FARP1: variants seen among roughly 807,000 people sequenced by gnomAD.
FARP1 encodes the protein FERM, ARHGEF and pleckstrin domain-containing protein 1.
Under a neutral mutation model 128.8 loss-of-function variants are expected in FARP1, and 52 were observed. The observed-to-expected ratio is 0.40, with a 90% CI of 0.32 to 0.51. The LOEUF (loss-of-function observed/expected upper bound fraction) is 0.51. Ranked by LOEUF, FARP1 falls within the 20% of genes least tolerant of loss-of-function variation. The probability of loss-of-function intolerance (pLI) is 0.45; values close to 1 mark genes in which losing one functional copy is unlikely to be tolerated. For synonymous variants in FARP1, 580 were observed against 551.8 expected, an observed-to-expected ratio of 1.05 and a Z score of -0.72; for missense variants, 1,333 against 1,367.9, an observed-to-expected ratio of 0.97 and a Z score of 0.40.
intron 13 of FARP1, chr13:98,405,203 C>G (rs1310696167): frequency 6.6e-6 from 1 of 152,126 alleles, no homozygotes; most frequent in Non-Finnish European, 1.5e-5. Context: ...GCAGCTCTGC[C>G]GAAGAGCTGA....
chr13:98,414,286 A>G (rs766300421), intron 16 of FARP1, among the ~76,000 whole-genome samples: 9 of 152,208 alleles, frequency 5.9e-5, no homozygotes, highest in Non-Finnish European at 1.3e-4. Flanking sequence ...GCTAGAGAGA[A>G]AGCAGATAGT....
At chr13:98,246,308 G>A (rs1186784560) in intron 2 of FARP1, among the ~76,000 whole-genome samples, 1 of 97,160 alleles carries the variant, frequency 1.0e-5, no homozygotes, top group Non-Finnish European at 2.1e-5. Context: ...TGTTAGCCAG[G>A]ATGGTCTCGA....
At position 98,402,033 on chromosome 13, in the gene FARP1, TG is replaced by T. The variant is rs1890793204; in HGVS notation, c.1414+6558del. On this transcript the variant is annotated intron_variant, in intron 13 of 26. Transcript: ENST00000319562. Reference sequence around the variant, plus strand: ...TCTGATTTGTCTTGGAGTGGCTTTCTGTTTGAAAGTAGGGAAGATTAAAAAT... The same window carrying T: ...TCTGATTTGTCTTGGAGTGGCTTTCTTTTGAAAGTAGGGAAGATTAAAAAT... 3 of 152,340 alleles carry T rather than the reference TG, an allele frequency of 2.0e-5. No homozygotes were observed. In the South Asian group the frequency reaches 6.2e-4, roughly 32 times the overall value. 9.4% of individuals were successfully genotyped at this position (152,340 alleles called of 1,614,324 possible). A position where few individuals can be genotyped will look rare whatever the true frequency, so the allele number is the denominator to read the frequency against.
chr13:98,144,909 G>A (rs1875406355), intron 1 of FARP1, among the ~76,000 whole-genome samples: 1 of 152,190 alleles, frequency 6.6e-6, no homozygotes, highest in Admixed American at 6.5e-5. Flanking sequence ...TCTCCAGGAT[G>A]TGACAGTTTC....
chr13:98,144,704 C>T (rs1408077009), intron 1 of FARP1, among the ~76,000 whole-genome samples: 2 of 152,218 alleles, frequency 1.3e-5, no homozygotes, highest in South Asian at 2.1e-4. Flanking sequence ...TCTTGCTTTT[C>T]TTATTCAGTC....
intron 1 of FARP1, among the ~76,000 whole-genome samples, chr13:98,210,289 T>C (rs1383114136): frequency 6.6e-6 from 1 of 152,018 alleles, no homozygotes; most frequent in Non-Finnish European, 1.5e-5. Flanking sequence ...TCCATGACCC[T>C]CACCATTGGG....
chr13:98,330,121 T>C (rs1191700520), intron 2 of FARP1: 1 of 152,446 alleles, frequency 6.6e-6, no homozygotes, highest in Non-Finnish European at 1.5e-5. Flanking sequence ...TTCCAGCCTG[T>C]GCAAAGGCCT....
In FARP1 at chr13:98,267,674, C is replaced by T. The variant is rs116176556; in HGVS notation, c.171+54261C>T. On this transcript the variant is annotated intron_variant, in intron 2 of 26. Coordinates refer to ENST00000319562, the MANE Select transcript of FARP1 (RefSeq NM_005766.4). ...TCAGGCAAGGTCAACAGAAACACGA[C>T]GGGAATCCAGACAGTGTATGTCCCC... Among the ~76,000 whole-genome samples, 592 of 152,344 alleles carry T rather than the reference C, an allele frequency of 3.9e-3. 3 individuals are homozygous for T. The highest frequency in any genetic ancestry group is 0.014 in the African/African-American group (563 of 41,576).
rs540058845 is a variant in FARP1 at position 98,437,037 on chromosome 13, C to G, written c.2274+1331C>G. ...GGCGGGGGACCATGCACATGGAGAC[C>G]ATGGCCTCTCCCTCATAGGTCATTA... On this transcript the variant is annotated intron_variant, in intron 19 of 26. Coordinates refer to ENST00000319562, the MANE Select transcript of FARP1 (RefSeq NM_005766.4). 3.9e-5 allele frequency among the ~76,000 whole-genome samples: 6 copies of G among 152,284 alleles called. No homozygotes were observed. In the East Asian group the frequency reaches 1.2e-3, roughly 29 times the overall value.
intron 13 of FARP1, chr13:98,400,209 G>A (rs143629531): frequency 4.6e-5 from 7 of 152,282 alleles, no homozygotes; most frequent in African/African-American, 2.4e-5. Context: ...AACATAGCAC[G>A]AGCCTCTCAA....
intron 3 of FARP1, among the ~76,000 whole-genome samples, chr13:98,361,632 C>G (rs1044214142): frequency 6.6e-6 from 1 of 152,194 alleles, no homozygotes. Context: ...TCTCCACTCT[C>G]CTGTATCCTC....
chr13:98,279,936 A>G (rs1884851856), intron 2 of FARP1, among the ~76,000 whole-genome samples: 1 of 151,772 alleles, frequency 6.6e-6, no homozygotes, highest in Non-Finnish European at 1.5e-5. Context: ...CCGCTGTCTG[A>G]CCCTGATGTG....
intron 24 of FARP1, among the ~76,000 whole-genome samples, chr13:98,443,145 CT>C (rs1295388252): frequency 2.0e-5 from 3 of 152,128 alleles, no homozygotes; most frequent in Non-Finnish European, 4.4e-5. Context: ...ATGGGTTTCA[CT>C]TTTTTTTAAT....
intron 21 of FARP1, among the ~76,000 whole-genome samples, chr13:98,439,745 G>C (rs998901680): frequency 6.6e-6 from 1 of 152,196 alleles, no homozygotes; most frequent in African/African-American, 2.4e-5. Flanking sequence ...AAGTTTGTGG[G>C]CTCTGCCAAA....
chr13:98,243,153 CAAT>C (rs1246371584), intron 2 of FARP1, among the ~76,000 whole-genome samples: 1 of 152,140 alleles, frequency 6.6e-6, no homozygotes, highest in East Asian at 1.9e-4. Context: ...ATCAAACTAA[CAAT>C]AAGGTGCCAC....
At chr13:98,349,568 G>C (rs1042570413) in intron 3 of FARP1, among the ~76,000 whole-genome samples, 1 of 151,260 alleles carries the variant, frequency 6.6e-6, no homozygotes, top group Non-Finnish European at 1.5e-5. Flanking sequence ...TTACTTGAGA[G>C]GCTGTGGCAG....
chr13:98,165,962 C>T (rs1252447989), intron 1 of FARP1, among the ~76,000 whole-genome samples: 2 of 151,870 alleles, frequency 1.3e-5, no homozygotes, highest in African/African-American at 2.4e-5. Flanking sequence ...TCAGGTGATC[C>T]ACCTGCCTTG....
Position 98,446,718 on chromosome 13 carries a change from CCT to C in FARP1, c.2960_2961del (p.Ser987Ter), listed in dbSNP as rs1415839010. On this transcript the variant is annotated frameshift_variant, in exon 26 of 27. Transcript: ENST00000319562. LOFTEE classifies it high-confidence loss of function. ...CTGCTCGGCTACTCGCTCACCATCCCCTCTGAGTCCGAGAACATCCAGAAAGA... is the reference window on the plus strand; with the variant it reads ...CTGCTCGGCTACTCGCTCACCATCCCCTGAGTCCGAGAACATCCAGAAAGA... 5 of 1,614,088 alleles carry C rather than the reference CCT, an allele frequency of 3.1e-6. No homozygotes were observed. Among genetic ancestry groups the C allele is most frequent in the East Asian group, 2.2e-5 (1 of 44,878 alleles).
intron 3 of FARP1, among the ~76,000 whole-genome samples, chr13:98,350,584 A>C (rs1888375545): frequency 6.6e-6 from 1 of 152,100 alleles, no homozygotes; most frequent in Admixed American, 6.5e-5. Flanking sequence ...ACTTGCATCT[A>C]CCACAACAGT....
Sources: gnomAD v4.1 joint callset for allele counts (sites outside exome capture counted in the v4.1 genomes callset) on GRCh38, gnomAD v4.1.1 for gene constraint, MANE v1.5 for transcripts, NCBI Gene and HGNC (gene_info 2026-07-23, HGNC 2026-07-21) for gene names.